Variants in SNCG observed in about 807,000 individuals in gnomAD.
The protein encoded by SNCG is gamma-synuclein.
A neutral mutation model predicts 16.0 loss-of-function variants in SNCG; 13 were observed. The ratio of observed to expected loss-of-function variants is 0.81; its 90% CI spans 0.53 to 1.29. The LOEUF (loss-of-function observed/expected upper bound fraction) is 1.29. SNCG is among the 50% of genes most tolerant of loss of function. The pLI is 0.00. For missense variants in SNCG, 154 were observed against 168.5 expected (o/e 0.91, Z 0.48); for synonymous variants, 66 against 66.3 (o/e 1.00, Z 0.02).
chr10:86,958,294 C>G, upstream of SNCG: 6 of 984,286 alleles, frequency 6.1e-6, no homozygotes, highest in Non-Finnish European at 7.2e-6. Flanking sequence ...ATAGACACAG[C>G]ACCCCTGGGG....
rs12355388 is a variant in SNCG at position 86,963,103 on chromosome 10, C to T, written c.*118C>T. The T allele has an allele frequency of 1.8e-5, 20 of 1,083,234 alleles. No individual in the cohort carries two copies. Among genetic ancestry groups the T allele is most frequent in the African/African-American group, 3.2e-5 (2 of 63,054 alleles). 67.1% of individuals were successfully genotyped at this position (1,083,234 alleles called of 1,614,324 possible). Reference sequence around the variant, plus strand: ...ATGCGGCTGCCCACGCTCCTGCCCTCGTCTCCCTGGCCACCCTTGGCCTGT... The same window carrying T: ...ATGCGGCTGCCCACGCTCCTGCCCTTGTCTCCCTGGCCACCCTTGGCCTGT... On this transcript the variant is annotated 3_prime_UTR_variant, in exon 5 of 5. Coordinates refer to ENST00000372017, the MANE Select transcript of SNCG (RefSeq NM_003087.3).
upstream of SNCG, chr10:86,958,079 C>T (rs1203279912): frequency 1.0e-6 from 1 of 985,186 alleles, no homozygotes; most frequent in Non-Finnish European, 1.2e-6. Context: ...TCCCCACCCC[C>T]ACCCACCTCA....
chr10:86,959,811 T>C lies in SNCG; in HGVS notation c.163+137T>C, dbSNP rs929172883. 1.0e-4 allele frequency: 126 copies of C among 1,254,826 alleles called. No homozygotes were observed. The highest frequency in any genetic ancestry group is 2.0e-4 in the Middle Eastern group (1 of 4,886). 77.7% of individuals were successfully genotyped at this position (1,254,826 alleles called of 1,614,324 possible). A position where few individuals can be genotyped will look rare whatever the true frequency, so the allele number is the denominator to read the frequency against. ...AAGCCCTACAGACCCCTGCAGACCA[T>C]GAGGCTAAACTAGGGTGGGCGTCTC... On this transcript the variant is annotated intron_variant, in intron 2 of 4. Coordinates refer to ENST00000372017, the MANE Select transcript of SNCG (RefSeq NM_003087.3). The surrounding 1 kb of genome is among the most constrained non-coding windows in gnomAD (Gnocchi z 4.3).
At chr10:86,961,747 C>T (rs1475327348) in intron 3 of SNCG, among the ~76,000 whole-genome samples, 7 of 152,140 alleles carry the variant, frequency 4.6e-5, no homozygotes, top group African/African-American at 1.7e-4. Flanking sequence ...CAGGTGGCCA[C>T]CTGCCCTGCC....
chr10:86,959,029 G>A lies in SNCG; in HGVS notation c.121+211G>A, dbSNP rs1024172877. On this transcript the variant is annotated intron_variant, in intron 1 of 4. Transcript: ENST00000372017. The surrounding 1 kb of genome is among the most constrained non-coding windows in gnomAD (Gnocchi z 4.3). ...TCTTTGGCCTCCTCGGGGCCTCTGGGTGTCAGAGACCGCAGACAGGGCTGG... is the reference window on the plus strand; with the variant it reads ...TCTTTGGCCTCCTCGGGGCCTCTGGATGTCAGAGACCGCAGACAGGGCTGG... Among the ~76,000 whole-genome samples, 8 of 152,164 alleles carry A rather than the reference G, an allele frequency of 5.3e-5. No homozygotes were observed. The highest frequency in any genetic ancestry group is 1.7e-4 in the African/African-American group (7 of 41,440).
In SNCG at chr10:86,960,032, C is replaced by A. The variant is rs760113; in HGVS notation, c.195C>A (p.Ala65=). 4.4e-6 allele frequency: 7 copies of A among 1,609,100 alleles called. No individual in the cohort carries two copies. The highest frequency in any genetic ancestry group is 3.3e-5 in the South Asian group (3 of 89,780). Residue 65 remains alanine (A), a synonymous_variant, in exon 3 of 5, where the codon GCC becomes GCA. Coordinates refer to ENST00000372017, the MANE Select transcript of SNCG (RefSeq NM_003087.3). The part of the protein sequence containing the change: ...VAEKTKEQAN[A]VSEAVVSSVN... ...AGAAGACCAAGGAGCAGGCCAACGC[C>A]GTGAGCGAGGCTGTGGTGAGCAGCG...
intron 4 of SNCG, 103 bp downstream of exon 4, chr10:86,962,778 G>T (rs1844379195): frequency 8.4e-7 from 1 of 1,192,230 alleles, no homozygotes; most frequent in African/African-American, 1.5e-5. Flanking sequence ...GGCCCAGAGG[G>T]GCCTCCTGAC....
rs930657157 is a variant in SNCG at position 86,959,445 on chromosome 10, C to T, written c.122-188C>T. On this transcript the variant is annotated intron_variant, in intron 1 of 4. Transcript: ENST00000372017. The surrounding 1 kb of genome is among the most constrained non-coding windows in gnomAD (Gnocchi z 4.3). ...CTTGTCCCCCACATTCTGTCCTGTCCCCTTCCCATCCATCCACTTCTTCCA... is the reference window on the plus strand; with the variant it reads ...CTTGTCCCCCACATTCTGTCCTGTCTCCTTCCCATCCATCCACTTCTTCCA... 1.9e-5 allele frequency: 12 copies of T among 632,202 alleles called. No homozygotes were observed. Among genetic ancestry groups the T allele is most frequent in the Non-Finnish European group, 3.1e-5 (11 of 352,786 alleles). 39.2% of individuals were successfully genotyped at this position (632,202 alleles called of 1,614,324 possible). A position where few individuals can be genotyped will look rare whatever the true frequency, so the allele number is the denominator to read the frequency against.
At chr10:86,962,547 C>A in intron 3 of SNCG, 57 bp from the exon 4 acceptor site, 1 of 1,324,194 alleles carries the variant, frequency 7.6e-7, no homozygotes, top group Non-Finnish European at 1.1e-6. Flanking sequence ...GGTTGCAGGG[C>A]AGCTAGGGGT....
At chr10:86,958,302 G>C (rs1226391262), upstream of SNCG, 3 of 985,144 alleles carry the variant, frequency 3.0e-6, no homozygotes, top group South Asian at 4.7e-5. Flanking sequence ...AGCACCCCTG[G>C]GGCCAAGAGC....
rs534261359 is a variant in SNCG at position 86,960,137 on chromosome 10, C to T, written c.291+9C>T. ...CCGGGGTGGTGCGCAAGGTGAGCCC[C>T]GGCCCTCAGACCTGCCCAGTCCTCT... On this transcript the variant is annotated intron_variant, in intron 3 of 4. Coordinates refer to ENST00000372017, the MANE Select transcript of SNCG (RefSeq NM_003087.3). The T allele has an allele frequency of 3.0e-5, 49 of 1,609,478 alleles. No homozygotes were observed. Among genetic ancestry groups the T allele is most frequent in the Middle Eastern group, 3.3e-4 (2 of 6,038 alleles).
At position 86,959,378 on chromosome 10, in the gene SNCG, A is replaced by G. The variant is rs1589311887; in HGVS notation, c.122-255A>G. On this transcript the variant is annotated intron_variant, in intron 1 of 4. Coordinates refer to ENST00000372017, the MANE Select transcript of SNCG (RefSeq NM_003087.3). This position sits in a 1 kb window ranked among gnomAD's most constrained non-coding sequence, Gnocchi z 4.3. ...CCGGCCACACCCGGGCAGGGGCTGG[A>G]CCCTGGGTCTAGCCAGTGTCCCTAC... is the stretch of plus-strand genomic sequence containing the variant. 1 of 574,328 alleles carries G rather than the reference A, an allele frequency of 1.7e-6. No individual in the cohort carries two copies. Among genetic ancestry groups the G allele is most frequent in the African/African-American group, 1.9e-5 (1 of 52,622 alleles). 35.6% of individuals were successfully genotyped at this position (574,328 alleles called of 1,614,324 possible).
chr10:86,958,610 C>G lies in SNCG; in HGVS notation c.-88C>G, dbSNP rs113805468. The G allele has an allele frequency of 1.3e-6, 2 of 1,558,256 alleles. No individual in the cohort carries two copies. The highest frequency in any genetic ancestry group is 3.6e-5 in the Admixed American group (2 of 55,872). On this transcript the variant is annotated 5_prime_UTR_variant, in exon 1 of 5. Transcript: ENST00000372017. ...TAGGAGGCATCGGGGACAGCCGCTG[C>G]GGCAGCACTCGAGCCAGCTCAAGCC...
chr10:86,958,499 C>CCAACCCA, upstream of SNCG: 1 of 1,111,546 alleles, frequency 9.0e-7, no homozygotes, highest in Non-Finnish European at 1.1e-6. Flanking sequence ...AACCTCCTTC[C>CCAACCCA]CTCCCTCCCT....
chr10:86,960,575 G>A (rs1003086421), intron 3 of SNCG, among the ~76,000 whole-genome samples: 2 of 152,130 alleles, frequency 1.3e-5, no homozygotes, highest in African/African-American at 4.8e-5. Context: ...CCTCCTGCTG[G>A]GAGCCTCAGG....
At position 86,959,916 on chromosome 10, in the gene SNCG, C is replaced by T. The variant is rs1028345624; in HGVS notation, c.164-85C>T. On this transcript the variant is annotated intron_variant, in intron 2 of 4. Transcript: ENST00000372017. The surrounding 1 kb of genome is among the most constrained non-coding windows in gnomAD (Gnocchi z 4.3). ...CCCAGCAGGGCCAGGGCTCTGAGCT[C>T]CTGGGAAGGGGCTGCGAGCCTGACT... 2 of 1,541,068 alleles carry T rather than the reference C, an allele frequency of 1.3e-6. No individual in the cohort carries two copies. The highest frequency in any genetic ancestry group is 8.8e-7 in the Non-Finnish European group (1 of 1,141,402).
intron 3 of SNCG, among the ~76,000 whole-genome samples, chr10:86,961,780 C>T (rs1844355034): frequency 6.6e-6 from 1 of 152,206 alleles, no homozygotes. Context: ...GGCCGACTCC[C>T]GCCAGCACAG....
chr10:86,956,441 C>A (rs558701281), upstream of SNCG, among the ~76,000 whole-genome samples: 2 of 152,216 alleles, frequency 1.3e-5, no homozygotes, highest in African/African-American at 4.8e-5. Context: ...TTGGCCCCCC[C>A]CTCACTCCCT....
chr10:86,956,071 T>G (rs1421967365), upstream of SNCG, among the ~76,000 whole-genome samples: 1 of 152,012 alleles, frequency 6.6e-6, no homozygotes, highest in East Asian at 1.9e-4. Context: ...GAAGGTGGCC[T>G]GAGACTAAGG....
Sources: allele counts gnomAD v4.1 joint callset (sites outside exome capture counted in the v4.1 genomes callset), GRCh38; gene constraint gnomAD v4.1.1; non-coding constraint Gnocchi (gnomAD v3.1); transcripts MANE v1.5; gene names NCBI Gene and HGNC (gene_info 2026-07-23, HGNC 2026-07-21).